The following PRKG1 variants were observed in gnomAD, a reference collection of about 807,000 sequenced individuals.
The protein encoded by PRKG1 is cGMP-dependent protein kinase 1.
A neutral mutation model predicts 88.1 loss-of-function variants in PRKG1; 35 were observed. The ratio of observed to expected loss-of-function variants is 0.40; its 90% CI spans 0.30 to 0.53. The LOEUF (loss-of-function observed/expected upper bound fraction) is 0.53. Among genes scored for constraint, PRKG1 ranks in the 20% least tolerant of loss-of-function variants. The pLI, the probability that PRKG1 is intolerant of heterozygous loss-of-function variation, is 0.59. For missense variants in PRKG1, 540 were observed against 839.8 expected (o/e 0.64, Z 4.41); for synonymous variants, 303 against 292.5 (o/e 1.04, Z -0.37).
At chr10:51,424,769 T>TC (rs1225701212) in intron 2 of PRKG1, among the ~76,000 whole-genome samples, 3 of 152,140 alleles carry the variant, frequency 2.0e-5, no homozygotes, top group Non-Finnish European at 2.9e-5. Flanking sequence ...TTGCTTTTTT[T>TC]CCTGATGCAT....
At chr10:51,195,179 A>G (rs754040146) in intron 2 of PRKG1, among the ~76,000 whole-genome samples, 1 of 152,230 alleles carries the variant, frequency 6.6e-6, no homozygotes, top group South Asian at 2.1e-4. Flanking sequence ...GTTCAGTTCT[A>G]ATAAATCCAC....
At chr10:51,515,100 G>T (rs1208772870) in intron 3 of PRKG1, among the ~76,000 whole-genome samples, 1 of 151,990 alleles carries the variant, frequency 6.6e-6, no homozygotes, top group Non-Finnish European at 1.5e-5. Flanking sequence ...AGACAAGTTG[G>T]AATAAATCGA....
chr10:51,327,232 T>TA (rs1275719071), intron 2 of PRKG1, among the ~76,000 whole-genome samples: 1 of 151,932 alleles, frequency 6.6e-6, no homozygotes, highest in African/African-American at 2.4e-5. Context: ...CTGGCCAACA[T>TA]GAAGAAACCC....
intron 10 of PRKG1, among the ~76,000 whole-genome samples, chr10:52,263,584 T>TC (rs1391364574): frequency 6.6e-6 from 1 of 151,802 alleles, no homozygotes; most frequent in African/African-American, 2.4e-5. Flanking sequence ...CAGGATTTTT[T>TC]TTTTTTTTTT....
intron 2 of PRKG1, among the ~76,000 whole-genome samples, chr10:51,244,561 C>T (rs567033009): frequency 6.6e-6 from 1 of 152,164 alleles, no homozygotes; most frequent in Non-Finnish European, 1.5e-5. Context: ...TTTAATTGCT[C>T]TTTACCTCTA....
intron 3 of PRKG1, among the ~76,000 whole-genome samples, chr10:51,737,893 A>T (rs576909178): frequency 8.2e-4 from 124 of 151,776 alleles, no homozygotes; most frequent in Non-Finnish European, 1.5e-3. Context: ...CCTCCTGAGT[A>T]GCTGGGATTA....
chr10:51,116,517 C>T (rs1045226268), intron 1 of PRKG1, among the ~76,000 whole-genome samples: 3 of 152,062 alleles, frequency 2.0e-5, no homozygotes, highest in Admixed American at 2.0e-4. Context: ...CATTTGAAAT[C>T]AACATGCAAG....
chr10:51,339,740 T>C (rs1841961899), intron 2 of PRKG1, among the ~76,000 whole-genome samples: 1 of 152,048 alleles, frequency 6.6e-6, no homozygotes, highest in African/African-American at 2.4e-5. Flanking sequence ...TATTCTACAG[T>C]ATCATTCCAA....
intron 4 of PRKG1, among the ~76,000 whole-genome samples, chr10:51,856,120 A>G (rs1253648260): frequency 6.6e-6 from 1 of 152,122 alleles, no homozygotes; most frequent in Non-Finnish European, 1.5e-5. Context: ...ACCCATAAGG[A>G]CAATTATGGG....
intron 7 of PRKG1, among the ~76,000 whole-genome samples, chr10:52,075,943 C>T (rs1196726592): frequency 2.0e-5 from 3 of 152,146 alleles, no homozygotes; most frequent in Non-Finnish European, 4.4e-5. Context: ...TCTCTAAATA[C>T]TGTCACATTG....
At chr10:51,426,552 G>T (rs1588947210) in intron 2 of PRKG1, among the ~76,000 whole-genome samples, 1 of 152,276 alleles carries the variant, frequency 6.6e-6, no homozygotes, top group Admixed American at 6.5e-5. Context: ...TCACTAAAAT[G>T]GATAGGTACT....
chr10:51,698,484 C>G (rs764098088), intron 3 of PRKG1: 1 of 1,614,104 alleles, frequency 6.2e-7, no homozygotes, highest in Non-Finnish European at 8.5e-7. Context: ...TGGGGTGGAC[C>G]CAGATAACCT....
At chr10:51,496,780 T>C (rs1840870959) in intron 3 of PRKG1, among the ~76,000 whole-genome samples, 1 of 152,180 alleles carries the variant, frequency 6.6e-6, no homozygotes, top group South Asian at 2.1e-4. Flanking sequence ...GTGTTTTGGG[T>C]TAGTAAAACC....
chr10:51,168,131 T>A (rs1408837250), intron 2 of PRKG1, among the ~76,000 whole-genome samples: 6 of 152,198 alleles, frequency 3.9e-5, no homozygotes, highest in Admixed American at 1.3e-4. Flanking sequence ...AAGCAGCAGT[T>A]CTGAAAGTGT....
At position 51,065,114 on chromosome 10, in the gene PRKG1, A is replaced by G. The variant is rs557661051; in HGVS notation, c.266+73470A>G. On this transcript the variant is annotated intron_variant, in intron 1 of 17. Coordinates refer to the PRKG1 transcript ENST00000401604. ...TGCTTTCGAAATAATGTCAAATGGT[A>G]TGAATAGTTTTCTACAAGATGTATG... Among the ~76,000 whole-genome samples, 26 of 152,256 alleles carry G rather than the reference A, an allele frequency of 1.7e-4. No homozygotes were observed. In the South Asian group the frequency reaches 5.2e-3, roughly 30 times the overall value.
chr10:51,962,237 A>C (rs1382463566), intron 5 of PRKG1, among the ~76,000 whole-genome samples: 1 of 152,088 alleles, frequency 6.6e-6, no homozygotes, highest in Non-Finnish European at 1.5e-5. Context: ...CTAGGGTTCA[A>C]ATTCTGGGAG....
chr10:51,273,783 G>A (rs970694279), intron 2 of PRKG1, among the ~76,000 whole-genome samples: 1 of 152,160 alleles, frequency 6.6e-6, no homozygotes, highest in Non-Finnish European at 1.5e-5. Context: ...GATGAATCCT[G>A]TACACTTTCA....
At chr10:51,690,585 A>G (rs1356154351) in intron 3 of PRKG1, among the ~76,000 whole-genome samples, 1 of 152,120 alleles carries the variant, frequency 6.6e-6, no homozygotes, top group Non-Finnish European at 1.5e-5. Flanking sequence ...GATAGTAGAG[A>G]ATCAGAGAGT....
chr10:51,456,255 C>T (rs1316084207), intron 2 of PRKG1, among the ~76,000 whole-genome samples: 1 of 152,160 alleles, frequency 6.6e-6, no homozygotes, highest in African/African-American at 2.4e-5. Flanking sequence ...ATTTAATTAT[C>T]TCCCACTAGG....
Sources: allele counts gnomAD v4.1 joint callset (sites outside exome capture counted in the v4.1 genomes callset), GRCh38; gene constraint gnomAD v4.1.1; transcripts MANE v1.5; gene names NCBI Gene and HGNC (gene_info 2026-07-23, HGNC 2026-07-21).